Variants in CNTNAP5 observed in about 807,000 individuals in gnomAD.
CNTNAP5 encodes the protein contactin associated protein family member 5, also known as contactin-associated protein-like 5.
In CNTNAP5, 72 loss-of-function variants were observed where a neutral mutation model predicts 150.2. That is an observed-to-expected ratio of 0.48 (90% CI 0.40 to 0.58). CNTNAP5 has a LOEUF of 0.58. Among genes scored for constraint, CNTNAP5 ranks in the 20% least tolerant of loss-of-function variants. The pLI is 0.00. For missense variants in CNTNAP5, 1,636 were observed against 1,626.2 expected (o/e 1.01, Z -0.10); for synonymous variants, 672 against 619.8 (o/e 1.08, Z -1.25).
At chr2:124,875,698 GTTTT>G (rs5834090) in intron 21 of CNTNAP5, among the ~76,000 whole-genome samples, 158 of 126,766 alleles carry the variant, frequency 1.2e-3, no homozygotes, top group African/African-American at 4.3e-3. Context: ...AACCATGAGG[GTTTT>G]TTTTTTTTTT....
chr2:124,403,962 G>GA (rs1235769988), intron 3 of CNTNAP5, among the ~76,000 whole-genome samples: 2 of 152,104 alleles, frequency 1.3e-5, no homozygotes, highest in Non-Finnish European at 2.9e-5. Context: ...GAATAGCATG[G>GA]AAAAAAACCC....
intron 13 of CNTNAP5, among the ~76,000 whole-genome samples, chr2:124,735,969 G>A (rs376939415): frequency 6.6e-5 from 10 of 152,228 alleles, no homozygotes; most frequent in East Asian, 1.9e-4. Context: ...GGTGGCTCAC[G>A]CCTGTAATCA....
chr2:124,655,999 A>AAGGAAGGAAGG (rs1553427838), intron 13 of CNTNAP5, among the ~76,000 whole-genome samples: 9 of 90,638 alleles, frequency 9.9e-5, no homozygotes, highest in South Asian at 3.9e-4. Flanking sequence ...AAGAAAGAAA[A>AAGGAAGGAAGG]AAGGAAGGAA....
chr2:124,738,999 T>C (rs990822042), intron 13 of CNTNAP5, among the ~76,000 whole-genome samples: 2 of 152,204 alleles, frequency 1.3e-5, no homozygotes, highest in African/African-American at 4.8e-5. Context: ...TTTAAGTTAA[T>C]CACGTTGTCC....
chr2:124,132,210 C>G (rs1683868330), intron 1 of CNTNAP5, among the ~76,000 whole-genome samples: 1 of 152,170 alleles, frequency 6.6e-6, no homozygotes, highest in Admixed American at 6.5e-5. Context: ...TGAGCAGAAC[C>G]TATCGCTTCT....
chr2:124,709,623 G>A (rs1488205325), intron 13 of CNTNAP5, among the ~76,000 whole-genome samples: 2 of 152,112 alleles, frequency 1.3e-5, no homozygotes, highest in Admixed American at 6.6e-5. Context: ...TATCTTATAA[G>A]ACTATGAATC....
At chr2:124,096,664 G>C (rs1331769099) in intron 1 of CNTNAP5, among the ~76,000 whole-genome samples, 2 of 151,794 alleles carry the variant, frequency 1.3e-5, no homozygotes, top group Non-Finnish European at 2.9e-5. Flanking sequence ...TTTCCTCTCT[G>C]TGGCCCAGAG....
Position 124,100,587 on chromosome 2 carries a change from T to C in CNTNAP5, c.82+74855T>C, listed in dbSNP as rs180928880. Among the ~76,000 whole-genome samples the C allele has an allele frequency of 1.1e-3, 170 of 152,296 alleles. 1 individual carries two copies. Among genetic ancestry groups the C allele is most frequent in the African/African-American group, 4.0e-3 (167 of 41,568 alleles). On this transcript the variant is annotated intron_variant, in intron 1 of 23. Transcript: ENST00000682447. ...TCCTTAAGAATAAAGTAAAGTTGGC[T>C]GAGCACAGTGGCTCACGCTCATAAT... is the stretch of plus-strand genomic sequence containing the variant.
intron 13 of CNTNAP5, among the ~76,000 whole-genome samples, chr2:124,656,003 G>GAAAGAAAGAAAA (rs1261971735): frequency 1.4e-5 from 2 of 141,368 alleles, no homozygotes; most frequent in African/African-American, 5.2e-5. Context: ...AAGAAAAAAG[G>GAAAGAAAGAAAA]AAGGAAGGAA....
chr2:124,489,320 A>G (rs187138347), intron 7 of CNTNAP5, among the ~76,000 whole-genome samples: 2 of 152,254 alleles, frequency 1.3e-5, no homozygotes, highest in African/African-American at 4.8e-5. Flanking sequence ...TTCTGAGGGC[A>G]TCTCCCTTGG....
rs144355357 is a variant in CNTNAP5 at position 124,127,988 on chromosome 2, A to G, written c.83-93717A>G. ...GAAAACCTAGGCAATACCATTCAGG[A>G]CATAGGCTTGGGCAAGGTCTTCATG... On this transcript the variant is annotated intron_variant, in intron 1 of 23. Coordinates refer to ENST00000682447, the MANE Select transcript of CNTNAP5 (RefSeq NM_001367498.1). Among the ~76,000 whole-genome samples the G allele has an allele frequency of 7.6e-3, 1,163 of 152,336 alleles. 10 individuals are homozygous for G. Among genetic ancestry groups the G allele is most frequent in the African/African-American group, 0.026 (1,078 of 41,568 alleles).
intron 3 of CNTNAP5, among the ~76,000 whole-genome samples, chr2:124,271,657 T>A (rs946085067): frequency 2.1e-4 from 28 of 131,696 alleles, no homozygotes; most frequent in Non-Finnish European, 4.1e-4. Context: ...AGTTTTTTTT[T>A]AATCTATCTA....
At chr2:124,695,112 T>A (rs1399658985) in intron 13 of CNTNAP5, among the ~76,000 whole-genome samples, 1 of 152,044 alleles carries the variant, frequency 6.6e-6, no homozygotes, top group African/African-American at 2.4e-5. Flanking sequence ...GTCCAGAGAA[T>A]CGATAAAACA....
intron 19 of CNTNAP5, among the ~76,000 whole-genome samples, chr2:124,836,029 G>A (rs1682822493): frequency 6.6e-6 from 1 of 152,082 alleles, no homozygotes; most frequent in African/African-American, 2.4e-5. Context: ...CATGCTATTA[G>A]TAGACCATGG....
chr2:124,745,032 C>T (rs1573588447), intron 13 of CNTNAP5, among the ~76,000 whole-genome samples: 1 of 152,104 alleles, frequency 6.6e-6, no homozygotes, highest in Non-Finnish European at 1.5e-5. Context: ...TTAAGCCAGA[C>T]ATTAGGAGGG....
chr2:124,083,087 A>G (rs1362524146), intron 1 of CNTNAP5, among the ~76,000 whole-genome samples: 1 of 152,222 alleles, frequency 6.6e-6, no homozygotes, highest in Non-Finnish European at 1.5e-5. Flanking sequence ...GCAGTGGCTC[A>G]TGCCTGCAAT....
At position 124,913,198 on chromosome 2, in the gene CNTNAP5, T is replaced by C. The variant is rs553166838; in HGVS notation, c.3728-894T>C. Among the ~76,000 whole-genome samples, 69 of 152,176 alleles carry C rather than the reference T, an allele frequency of 4.5e-4. No homozygotes were observed. In the South Asian group the frequency reaches 0.014, roughly 31 times the overall value. On this transcript the variant is annotated intron_variant, in intron 23 of 23. Transcript: ENST00000682447. ...CTTAGAAAAATGAAACAGCAAAATA[T>C]AGAACTTATTACAAGTAAATTCTTT...
rs145397639 is a variant in CNTNAP5 at position 124,473,980 on chromosome 2, T to C, written c.919-759T>C. 1.4e-3 allele frequency among the ~76,000 whole-genome samples: 219 copies of C among 152,172 alleles called. 2 individuals are homozygous for C. Among genetic ancestry groups the C allele is most frequent in the African/African-American group, 5.1e-3 (211 of 41,558 alleles). ...GCAAATGTAATTGCGGTTTTTGCCA[T>C]TACTTTTAGTGACAAAAACCGCAGT... On this transcript the variant is annotated intron_variant, in intron 6 of 23. Transcript: ENST00000682447.
At chr2:124,643,664 C>T (rs142653377) in intron 12 of CNTNAP5, among the ~76,000 whole-genome samples, 147 of 152,272 alleles carry the variant, frequency 9.7e-4, no homozygotes, top group African/African-American at 3.3e-3. Flanking sequence ...ACTTCTAATG[C>T]TTAGAGTCTT....
Sources: gnomAD v4.1 joint callset for allele counts (sites outside exome capture counted in the v4.1 genomes callset) on GRCh38, gnomAD v4.1.1 for gene constraint, MANE v1.5 for transcripts, NCBI Gene and HGNC (gene_info 2026-07-23, HGNC 2026-07-21) for gene names.